Variants in FLT1 observed in about 807,000 individuals in gnomAD.
FLT1 encodes fms related receptor tyrosine kinase 1.
A neutral mutation model predicts 156.3 loss-of-function variants in FLT1; 49 were observed. That is an observed-to-expected ratio of 0.31 (90% confidence interval 0.25 to 0.40). FLT1 has a LOEUF of 0.40. FLT1 is among the 10% of genes least tolerant of loss of function. FLT1 has a pLI of 1.00. For synonymous variants in FLT1, 594 were observed against 583.8 expected (o/e 1.02, Z -0.25); for missense variants, 1,322 against 1,637.2 (o/e 0.81, Z 3.32).
intron 15 of FLT1, chr13:28,346,199 T>C: frequency 1.3e-5 from 2 of 152,946 alleles, no homozygotes; most frequent in Non-Finnish European, 2.9e-5. Flanking sequence ...TTGCTGGACC[T>C]GAATCCTTCC....
In FLT1 at chr13:28,307,834, C is replaced by T. The variant is rs528366749; in HGVS notation, c.3720+1009G>A. ...CCCAGGCTGCTAGAGTGCAGTGGCG[C>T]GATCTCGGCTCACTGCAACCTCCGC... On this transcript the variant is annotated intron_variant, in intron 28 of 29. Coordinates refer to ENST00000282397, the MANE Select transcript of FLT1 (RefSeq NM_002019.4). 2.7e-3 allele frequency among the ~76,000 whole-genome samples: 402 copies of T among 151,262 alleles called. 1 individual carries two copies. Among genetic ancestry groups the T allele is most frequent in the Non-Finnish European group, 4.7e-3 (317 of 67,854 alleles).
chr13:28,486,179 A>G (rs1452812769), intron 1 of FLT1, among the ~76,000 whole-genome samples: 2 of 152,238 alleles, frequency 1.3e-5, no homozygotes, highest in African/African-American at 4.8e-5. Context: ...TACATGTTGT[A>G]CGGGTTACCC....
intron 1 of FLT1, among the ~76,000 whole-genome samples, chr13:28,472,323 C>G (rs1203170155): frequency 6.6e-6 from 1 of 152,128 alleles, no homozygotes; most frequent in Non-Finnish European, 1.5e-5. Flanking sequence ...ATCCAAAGCC[C>G]AGATGATTGA....
chr13:28,442,024 G>C (rs1395518600), intron 3 of FLT1, among the ~76,000 whole-genome samples: 1 of 152,122 alleles, frequency 6.6e-6, no homozygotes, highest in African/African-American at 2.4e-5. Flanking sequence ...GACATTAACT[G>C]TCACAGTTAA....
At chr13:28,490,728 A>T (rs1881426918) in intron 1 of FLT1, among the ~76,000 whole-genome samples, 2 of 152,180 alleles carry the variant, frequency 1.3e-5, no homozygotes, top group Admixed American at 6.5e-5. Context: ...GATGGTCTAT[A>T]CTTTTAACTA....
chr13:28,346,486 A>G (rs1872570304), intron 15 of FLT1, among the ~76,000 whole-genome samples: 1 of 152,014 alleles, frequency 6.6e-6, no homozygotes, highest in Non-Finnish European at 1.5e-5. Context: ...TTGGGAGGCT[A>G]AGGAGGGAAG....
chr13:28,313,700 A>G (rs531748612), intron 25 of FLT1, among the ~76,000 whole-genome samples: 22 of 152,288 alleles, frequency 1.4e-4, no homozygotes, highest in African/African-American at 5.3e-4. Flanking sequence ...TGCAGACATT[A>G]CTTGTGCTGG....
intron 10 of FLT1, among the ~76,000 whole-genome samples, chr13:28,425,605 T>G (rs1489795106): frequency 6.6e-6 from 1 of 152,206 alleles, no homozygotes; most frequent in Admixed American, 6.5e-5. Flanking sequence ...TAATCCTAGA[T>G]AGAATAGAAA....
intron 15 of FLT1, among the ~76,000 whole-genome samples, chr13:28,348,857 C>T (rs1413574439): frequency 6.6e-6 from 1 of 151,156 alleles, no homozygotes; most frequent in Non-Finnish European, 1.5e-5. Context: ...TGCAGTGAGC[C>T]GAGATGGTGC....
intron 3 of FLT1, among the ~76,000 whole-genome samples, chr13:28,446,889 T>C (rs1878646124): frequency 6.6e-6 from 1 of 152,158 alleles, no homozygotes. Flanking sequence ...TCCACATTTC[T>C]TGATTTCAGA....
chr13:28,481,831 C>T (rs1880870383), intron 1 of FLT1, among the ~76,000 whole-genome samples: 1 of 152,204 alleles, frequency 6.6e-6, no homozygotes, highest in Non-Finnish European at 1.5e-5. Flanking sequence ...TAGGAAGTCA[C>T]ACATTCTTCA....
At chr13:28,387,419 C>A in intron 13 of FLT1, 1 of 1,055,906 alleles carries the variant, frequency 9.5e-7, no homozygotes, top group East Asian at 5.3e-5. Flanking sequence ...ATTTCGAAAC[C>A]TAAGTTACTT....
intron 10 of FLT1, among the ~76,000 whole-genome samples, chr13:28,417,697 C>T (rs7989104): frequency 0.96 from 143,965 of 150,266 alleles, 69,163 homozygotes; most frequent in East Asian, 1. Flanking sequence ...GATGGGGGTC[C>T]TGCTATGTTG....
chr13:28,358,586 G>A (rs1452943966), intron 14 of FLT1, among the ~76,000 whole-genome samples: 1 of 152,148 alleles, frequency 6.6e-6, no homozygotes, highest in Non-Finnish European at 1.5e-5. Flanking sequence ...CTATCACCAA[G>A]GGTCTGTTGA....
rs759197488 is a variant in FLT1 at position 28,467,034 on chromosome 13, T to C, written c.257A>G (p.Lys86Arg). ...ITKSACGRNGKQFCSTLTLNT... is the reference protein window; with the variant it reads ...ITKSACGRNGRQFCSTLTLNT... Reference sequence around the variant, plus strand: ...CAAGGTTAAAGTACTGCAGAATTGTTTGCCATTTCTTCCACAGGCAGATTT... The same window carrying C: ...CAAGGTTAAAGTACTGCAGAATTGTCTGCCATTTCTTCCACAGGCAGATTT... Residue 86 changes from lysine (K) to arginine (R), a missense_variant, in exon 3 of 30, where the codon AAA becomes AGA. Lys to Arg is a conservative substitution (Grantham distance 26). Transcript: ENST00000282397. The C allele has an allele frequency of 1.9e-6, 3 of 1,614,062 alleles. No homozygotes were observed. The East Asian group carries it at 6.7e-5, about 36-fold the overall frequency.
chr13:28,457,011 T>C (rs757351943), intron 3 of FLT1, among the ~76,000 whole-genome samples: 1 of 152,196 alleles, frequency 6.6e-6, no homozygotes, highest in South Asian at 2.1e-4. Flanking sequence ...TGGGTGATTA[T>C]GATGTCTCAC....
intron 1 of FLT1, among the ~76,000 whole-genome samples, chr13:28,473,718 G>GAA (rs1566050186): frequency 1.2e-5 from 1 of 80,954 alleles, no homozygotes; most frequent in Non-Finnish European, 2.4e-5. Context: ...AAGAAAGAAA[G>GAA]AAAGAAAGAA....
chr13:28,451,735 T>C (rs898804888), intron 3 of FLT1, among the ~76,000 whole-genome samples: 2 of 152,202 alleles, frequency 1.3e-5, no homozygotes, highest in African/African-American at 4.8e-5. Context: ...CACGGGACTC[T>C]CTAGGGCTCA....
chr13:28,487,106 A>C (rs1177727211), intron 1 of FLT1, among the ~76,000 whole-genome samples: 2 of 152,220 alleles, frequency 1.3e-5, no homozygotes, highest in East Asian at 3.8e-4. Context: ...GCCCATTGGA[A>C]TCACCCAGGA....
Sources: allele counts gnomAD v4.1 joint callset (sites outside exome capture counted in the v4.1 genomes callset), GRCh38; gene constraint gnomAD v4.1.1; transcripts MANE v1.5; gene names NCBI Gene and HGNC (gene_info 2026-07-23, HGNC 2026-07-21).